Variants in ADAM12 observed in about 807,000 individuals in gnomAD.
ADAM12 encodes disintegrin and metalloproteinase domain-containing protein 12.
A neutral mutation model predicts 106.4 loss-of-function variants in ADAM12; 70 were observed. The ratio of observed to expected loss-of-function variants is 0.66; its 90% confidence interval spans 0.54 to 0.80. The LOEUF (loss-of-function observed/expected upper bound fraction) is 0.80, where lower values mean the gene tolerates loss of function less well. Among genes scored for constraint, ADAM12 ranks in the 30% least tolerant of loss-of-function variants. The probability of loss-of-function intolerance (pLI) is 0.00; values close to 1 mark genes in which losing one functional copy is unlikely to be tolerated. For synonymous variants in ADAM12, 420 were observed against 433.5 expected (o/e 0.97, Z 0.39); for missense variants, 1,010 against 1,171.9 (o/e 0.86, Z 2.02).
intron 5 of ADAM12, among the ~76,000 whole-genome samples, chr10:126,128,260 G>C (rs968992493): frequency 1.3e-5 from 2 of 152,140 alleles, no homozygotes; most frequent in African/African-American, 4.8e-5. Context: ...ATGAGGAAGG[G>C]AAGTGAGCTG....
At chr10:126,309,075 A>G (rs904860732) in intron 2 of ADAM12, among the ~76,000 whole-genome samples, 48 of 152,200 alleles carry the variant, frequency 3.2e-4, no homozygotes, top group African/African-American at 1.1e-3. Context: ...TCAGTGGACT[A>G]TCTCCTTCCC....
rs189247734 is a variant in ADAM12, at chr10:126,373,222, C to T, written c.88+14836G>A. 2.8e-3 allele frequency among the ~76,000 whole-genome samples: 432 copies of T among 152,310 alleles called. 4 individuals carry two copies. Among genetic ancestry groups the T allele is most frequent in the Admixed American group, 7.3e-3 (111 of 15,300 alleles). On this transcript the variant is annotated intron_variant, in intron 1 of 22. Transcript: ENST00000448723. ...GAATTCACTATACACTCCTGGAAGG[C>T]TCACATGACTGGAATTCTGTTGACA...
intron 2 of ADAM12, among the ~76,000 whole-genome samples, chr10:126,313,094 G>A (rs1961184520): frequency 6.6e-6 from 1 of 152,200 alleles, no homozygotes; most frequent in Admixed American, 6.5e-5. Flanking sequence ...TCTCTCATGA[G>A]GGTGCAGTCA....
intron 3 of ADAM12, among the ~76,000 whole-genome samples, chr10:126,274,808 C>A (rs1209656907): frequency 1.3e-5 from 2 of 152,208 alleles, no homozygotes; most frequent in Non-Finnish European, 2.9e-5. Context: ...GCCAACTAAA[C>A]CATCTAATGC....
At chr10:126,085,575 C>A (rs1374514093) in intron 11 of ADAM12, among the ~76,000 whole-genome samples, 6 of 152,120 alleles carry the variant, frequency 3.9e-5, no homozygotes, top group Non-Finnish European at 8.8e-5. Context: ...ACCCATTATC[C>A]ATTCATCCAC....
chr10:126,183,411 G>A (rs1441959363), intron 3 of ADAM12, among the ~76,000 whole-genome samples: 1 of 152,142 alleles, frequency 6.6e-6, no homozygotes, highest in Non-Finnish European at 1.5e-5. Flanking sequence ...ACCCGTGTGC[G>A]AGCAGGGCGT....
intron 2 of ADAM12, among the ~76,000 whole-genome samples, chr10:126,294,404 G>A (rs1424428171): frequency 6.6e-6 from 1 of 152,118 alleles, no homozygotes; most frequent in Admixed American, 6.5e-5. Flanking sequence ...TTCAGCCTTC[G>A]TGGATGATCC....
At chr10:126,209,592 G>C (rs1957862372) in intron 3 of ADAM12, among the ~76,000 whole-genome samples, 1 of 152,140 alleles carries the variant, frequency 6.6e-6, no homozygotes, top group African/African-American at 2.4e-5. Flanking sequence ...TACAAACTCT[G>C]TTGAGTTTAG....
At chr10:126,042,281 C>T (rs1400377840) in intron 18 of ADAM12, 2 of 1,604,494 alleles carry the variant, frequency 1.2e-6, no homozygotes, top group Non-Finnish European at 1.7e-6. Flanking sequence ...CCTGAATTGC[C>T]CAATAAGAAC....
At chr10:126,304,001 C>T (rs1412510219) in intron 2 of ADAM12, among the ~76,000 whole-genome samples, 1 of 152,090 alleles carries the variant, frequency 6.6e-6, no homozygotes, top group African/African-American at 2.4e-5. Context: ...GCTGTAATAC[C>T]TTAACACATC....
At chr10:126,273,206 T>C (rs1959189079) in intron 3 of ADAM12, 1 of 153,434 alleles carries the variant, frequency 6.5e-6, no homozygotes, top group Non-Finnish European at 1.5e-5. Flanking sequence ...GTGCCAGTCC[T>C]TATCTTGATT....
intron 2 of ADAM12, among the ~76,000 whole-genome samples, chr10:126,311,133 ACACACC>A (rs1383618069): frequency 2.0e-5 from 3 of 146,566 alleles, no homozygotes; most frequent in Admixed American, 2.0e-4. Context: ...ACACACACAC[ACACACC>A]TGCACGCACA....
intron 4 of ADAM12, among the ~76,000 whole-genome samples, chr10:126,148,389 G>A (rs1956667820): frequency 6.6e-6 from 1 of 152,162 alleles, no homozygotes. Context: ...CCTAAAAGCT[G>A]CATCTGGGTC....
intron 3 of ADAM12, among the ~76,000 whole-genome samples, chr10:126,155,559 C>T (rs1458497717): frequency 6.6e-6 from 1 of 152,200 alleles, no homozygotes; most frequent in East Asian, 1.9e-4. Context: ...CCCTCCCTCT[C>T]TCCCTTCCTC....
chr10:126,099,365 C>G (rs1565055663), intron 9 of ADAM12, among the ~76,000 whole-genome samples: 1 of 151,268 alleles, frequency 6.6e-6, no homozygotes, highest in East Asian at 1.9e-4. Context: ...TCCCTCCTTC[C>G]CTCCCTCCCT....
chr10:126,344,569 G>T (rs957871555), intron 1 of ADAM12, among the ~76,000 whole-genome samples: 1 of 152,260 alleles, frequency 6.6e-6, no homozygotes, highest in Admixed American at 6.5e-5. Context: ...GAAAGTCATT[G>T]GTAGTTTGAT....
chr10:126,233,003 C>A (rs1432022295), intron 3 of ADAM12, among the ~76,000 whole-genome samples: 1 of 152,016 alleles, frequency 6.6e-6, no homozygotes, highest in African/African-American at 2.4e-5. Flanking sequence ...GTTTCTATTG[C>A]ATTTGGGGTG....
chr10:126,206,171 T>C (rs1476437256), intron 3 of ADAM12, among the ~76,000 whole-genome samples: 1 of 152,210 alleles, frequency 6.6e-6, no homozygotes, highest in East Asian at 1.9e-4. Context: ...AAGCTTTCTT[T>C]ATTCAGGAGA....
intron 3 of ADAM12, among the ~76,000 whole-genome samples, chr10:126,266,953 A>C (rs1959109136): frequency 6.6e-6 from 1 of 152,228 alleles, no homozygotes; most frequent in Non-Finnish European, 1.5e-5. Context: ...ACTGGGGATT[A>C]CAACCGAACA....
Sources: allele counts gnomAD v4.1 joint callset (sites outside exome capture counted in the v4.1 genomes callset), GRCh38; gene constraint gnomAD v4.1.1; transcripts MANE v1.5; gene names NCBI Gene and HGNC (gene_info 2026-07-23, HGNC 2026-07-21).